ZFHX4: variants seen among roughly 807,000 people sequenced by gnomAD.
ZFHX4 encodes the protein zinc finger homeobox 4, also known as zinc finger homeobox protein 4.
In ZFHX4, 56 loss-of-function variants were observed where a neutral mutation model predicts 267.6. The ratio of observed to expected loss-of-function variants is 0.21; its 90% CI spans 0.17 to 0.26. ZFHX4 has a LOEUF of 0.26. Ranked by LOEUF, ZFHX4 falls within the 10% of genes least tolerant of loss-of-function variation. The pLI is 1.00. For synonymous variants in ZFHX4, 1,778 were observed against 1,665.6 expected (o/e 1.07, Z -1.64); for missense variants, 4,332 against 4,420.0 (o/e 0.98, Z 0.56).
intron 3 of ZFHX4, among the ~76,000 whole-genome samples, chr8:76,759,042 T>C (rs1451137829): frequency 6.6e-6 from 1 of 152,200 alleles, no homozygotes; most frequent in Non-Finnish European, 1.5e-5. Flanking sequence ...CCAAAATGAC[T>C]TCAAGAAAGA....
chr8:76,834,365 G>A (rs543378091), intron 5 of ZFHX4: 189 of 239,190 alleles, frequency 7.9e-4, no homozygotes, highest in Non-Finnish European at 1.4e-3. Context: ...ATGAATGAGA[G>A]TTCCTGTTGC....
chr8:76,737,375 T>A (rs534959219), intron 3 of ZFHX4, among the ~76,000 whole-genome samples: 144 of 152,338 alleles, frequency 9.5e-4, no homozygotes, highest in Non-Finnish European at 1.8e-3. Context: ...CATTTTATTC[T>A]GATGGATTAT....
Position 76,745,172 on chromosome 8 carries a change from T to C in ZFHX4, c.3094-33036T>C, listed in dbSNP as rs1809427306. On this transcript the variant is annotated intron_variant, in intron 3 of 10. Coordinates refer to ENST00000651372, the MANE Select transcript of ZFHX4 (RefSeq NM_024721.5). ...CTCTGCTGGAGCACCATGGGTATGA[T>C]GCATGGATCAAGCATCACACCCATG... 4.6e-5 allele frequency among the ~76,000 whole-genome samples: 7 copies of C among 152,290 alleles called. No individual in the cohort carries two copies. The South Asian group carries it at 1.5e-3, about 32-fold the overall frequency.
chr8:76,745,262 A>G (rs1809429336), intron 3 of ZFHX4, among the ~76,000 whole-genome samples: 1 of 152,172 alleles, frequency 6.6e-6, no homozygotes, highest in Non-Finnish European at 1.5e-5. Flanking sequence ...ACTTTCAATT[A>G]GAGGGGAAAA....
At chr8:76,806,193 C>A (rs1386684387) in intron 4 of ZFHX4, among the ~76,000 whole-genome samples, 1 of 152,108 alleles carries the variant, frequency 6.6e-6, no homozygotes, top group East Asian at 1.9e-4. Context: ...ATTACAACAT[C>A]CCACTCAAAT....
intron 3 of ZFHX4, among the ~76,000 whole-genome samples, chr8:76,713,713 C>T (rs961049009): frequency 6.6e-6 from 1 of 152,112 alleles, no homozygotes; most frequent in Non-Finnish European, 1.5e-5. Context: ...AAAGCAGAGT[C>T]GTGCCTCCAA....
chr8:76,686,558 A>T (rs1807697744), intron 1 of ZFHX4, among the ~76,000 whole-genome samples: 2 of 152,182 alleles, frequency 1.3e-5, no homozygotes, highest in Non-Finnish European at 1.5e-5. Context: ...AGTAATTAAT[A>T]TTGCTTAATT....
At position 76,855,575 on chromosome 8, in the gene ZFHX4, G is replaced by A; in HGVS notation, c.8654G>A (p.Ser2885Asn). 6.2e-7 allele frequency: 1 copy of A among 1,613,840 alleles called. No individual in the cohort carries two copies. Among genetic ancestry groups the A allele is most frequent in the Non-Finnish European group, 8.5e-7 (1 of 1,179,844 alleles). ...FNDKDGDHDQ[S>N]FYITDDPDDN... ...GACAAAGATGGCGACCACGACCAAAGCTTTTACATCACAGATGACCCGGAT... is the reference window on the plus strand; with the variant it reads ...GACAAAGATGGCGACCACGACCAAAACTTTTACATCACAGATGACCCGGAT... Residue 2885 changes from serine to asparagine, a missense_variant, in exon 10 of 11, where the codon AGC becomes AAC. Ser to Asn is a conservative substitution (Grantham distance 46). Transcript: ENST00000651372.
Position 76,855,293 on chromosome 8 carries a change from C to T in ZFHX4, c.8372C>T (p.Ala2791Val), listed in dbSNP as rs536003489. ...VENLNAPPAE[A>V]GYDQNKTDFD... ...AATTTAAATGCCCCTCCTGCTGAGGCTGGGTATGATCAAAATAAAACCGAT... is the reference window on the plus strand; with the variant it reads ...AATTTAAATGCCCCTCCTGCTGAGGTTGGGTATGATCAAAATAAAACCGAT... Residue 2791 changes from alanine (A) to valine (V), a missense_variant, in exon 10 of 11, where the codon GCT becomes GTT. Physicochemically the swap from Ala to Val is moderately conservative, Grantham distance 64. Coordinates refer to ENST00000651372, the MANE Select transcript of ZFHX4 (RefSeq NM_024721.5). The T allele has an allele frequency of 1.2e-6, 2 of 1,613,584 alleles. No homozygotes were observed. The highest frequency in any genetic ancestry group is 1.7e-5 in the Admixed American group (1 of 59,944).
chr8:76,864,258 A>G lies in ZFHX4; in HGVS notation c.10544A>G (p.Tyr3515Cys), dbSNP rs759968003. 3.7e-6 allele frequency: 6 copies of G among 1,613,680 alleles called. No individual in the cohort carries two copies. Among genetic ancestry groups the G allele is most frequent in the Non-Finnish European group, 5.1e-6 (6 of 1,179,806 alleles). Residue 3515 changes from tyrosine to cysteine, a missense_variant, in exon 11 of 11, where the codon TAT becomes TGT. Tyr to Cys is a radical substitution (Grantham distance 194, BLOSUM62 -2). Transcript: ENST00000651372. Reference sequence around the variant, plus strand: ...TCTGCAGCTTCTTCTAATAACACCTATCCTCATCTTTCTTGCTTCTCCATG... The same window carrying G: ...TCTGCAGCTTCTTCTAATAACACCTGTCCTCATCTTTCTTGCTTCTCCATG... ...SQSAASSNNT[Y>C]PHLSCFSMKS...
chr8:76,864,692 T>A lies in ZFHX4; in HGVS notation c.*127T>A. The A allele has an allele frequency of 1.5e-6, 1 of 671,724 alleles. No homozygotes were observed. Among genetic ancestry groups the A allele is most frequent in the South Asian group, 2.9e-5 (1 of 34,812 alleles). 41.6% of individuals were successfully genotyped at this position (671,724 alleles called of 1,614,324 possible). A position where few individuals can be genotyped will look rare whatever the true frequency, so the allele number is the denominator to read the frequency against. ...ACAGTACCAAATGATTGACTCAGGA[T>A]TGTTTTTCCCATATTGATATGCTGG... On this transcript the variant is annotated 3_prime_UTR_variant, in exon 11 of 11. Coordinates refer to ENST00000651372, the MANE Select transcript of ZFHX4 (RefSeq NM_024721.5).
chr8:76,739,596 T>C (rs1399823493), intron 3 of ZFHX4, among the ~76,000 whole-genome samples: 2 of 152,010 alleles, frequency 1.3e-5, no homozygotes, highest in African/African-American at 4.8e-5. Flanking sequence ...AGTTGTTTAA[T>C]TGGGCCTAAG....
At chr8:76,733,523 G>A (rs1377539464) in intron 3 of ZFHX4, 1 of 152,154 alleles carries the variant, frequency 6.6e-6, no homozygotes, top group Non-Finnish European at 1.5e-5. Context: ...AATAACGGAT[G>A]TTAAAGAACT....
At chr8:76,749,410 G>C (rs145047569) in intron 3 of ZFHX4, among the ~76,000 whole-genome samples, 31 of 152,232 alleles carry the variant, frequency 2.0e-4, no homozygotes, top group Non-Finnish European at 4.0e-4. Context: ...GAATTCTTAA[G>C]TTTCTTCAGA....
rs1250728004 is a variant in ZFHX4, at chr8:76,705,584, A to C, written c.1496A>C (p.Asp499Ala). ...GELTDSIGNK[D>A]FPLLNQSISP... ...CTCACCGATAGTATTGGTAACAAAG[A>C]TTTCCCTCTCTTAAACCAAAGCATT... The change falls in exon 2 of 11, where the codon GAT (aspartate) becomes GCT (alanine). Residue 499 changes from aspartate (D) to alanine (A), a missense_variant. Asp to Ala is a moderately radical substitution (Grantham distance 126, BLOSUM62 -2). Transcript: ENST00000651372. 3 of 1,613,770 alleles carry C rather than the reference A, an allele frequency of 1.9e-6. No individual in the cohort carries two copies. The highest frequency in any genetic ancestry group is 2.5e-6 in the Non-Finnish European group (3 of 1,179,786).
At chr8:76,701,150 G>A (rs1395314954) in intron 1 of ZFHX4, among the ~76,000 whole-genome samples, 1 of 152,024 alleles carries the variant, frequency 6.6e-6, no homozygotes, top group Non-Finnish European at 1.5e-5. Flanking sequence ...AAACTAAAGT[G>A]ATTCCATCAG....
chr8:76,864,804 A>C lies in ZFHX4; in HGVS notation c.*239A>C. 3.4e-6 allele frequency: 1 copy of C among 292,140 alleles called. No individual in the cohort carries two copies. The allele number at this position is 292,140 out of a possible 1,614,324, so 18.1% of individuals were successfully genotyped here. A position where few individuals can be genotyped will look rare whatever the true frequency, so the allele number is the denominator to read the frequency against. ...ATGCTAAAATATGGAAAAGGAAAAA[A>C]AAATCTCACAAGTTCTTTTGGAACT... On this transcript the variant is annotated 3_prime_UTR_variant, in exon 11 of 11. Coordinates refer to ENST00000651372, the MANE Select transcript of ZFHX4 (RefSeq NM_024721.5).
At chr8:76,758,710 G>T (rs1036050345) in intron 3 of ZFHX4, among the ~76,000 whole-genome samples, 2 of 152,108 alleles carry the variant, frequency 1.3e-5, no homozygotes, top group Non-Finnish European at 1.5e-5. Flanking sequence ...GCCTAGGCTG[G>T]TCTCGAATCC....
Position 76,852,241 on chromosome 8 carries a change from T to A in ZFHX4, c.5320T>A (p.Leu1774Met). The A allele has an allele frequency of 1.2e-6, 2 of 1,609,010 alleles. No individual in the cohort carries two copies. The highest frequency in any genetic ancestry group is 1.7e-6 in the Non-Finnish European group (2 of 1,177,134). ...TGGCATGACAGGAATGGCTGGCTCC[T>A]TGCTTGAAGACCTAAAGCAGCAGAT... is the stretch of plus-strand genomic sequence containing the variant. ...MPGMTGMAGS[L>M]LEDLKQQIQT... The change falls in exon 10 of 11, where the codon TTG becomes ATG. Residue 1774 changes from leucine to methionine, a missense_variant. Coordinates refer to ENST00000651372, the MANE Select transcript of ZFHX4 (RefSeq NM_024721.5).
Sources: allele counts gnomAD v4.1 joint callset (sites outside exome capture counted in the v4.1 genomes callset), GRCh38; gene constraint gnomAD v4.1.1; transcripts MANE v1.5; gene names NCBI Gene and HGNC (gene_info 2026-07-23, HGNC 2026-07-21).